The following ARHGAP28 variants were observed in gnomAD, a reference collection of about 807,000 sequenced individuals.
The protein encoded by ARHGAP28 is rho GTPase-activating protein 28.
ARHGAP28 carries 56 observed loss-of-function variants against 90.7 expected under a neutral mutation model. The observed-to-expected ratio is 0.62, with a 90% confidence interval of 0.50 to 0.77. The LOEUF (loss-of-function observed/expected upper bound fraction) is 0.77. Among genes scored for constraint, ARHGAP28 ranks in the 30% least tolerant of loss-of-function variants. The probability of loss-of-function intolerance (pLI) is 0.00; values close to 1 mark genes in which losing one functional copy is unlikely to be tolerated. For synonymous variants in ARHGAP28, 308 were observed against 323.3 expected, an observed-to-expected ratio of 0.95 and a Z score of 0.51; for missense variants, 869 against 900.9, an observed-to-expected ratio of 0.96 and a Z score of 0.45.
chr18:6,876,280 A>T (rs2057130534), intron 10 of ARHGAP28, 72 bp downstream of exon 10: 1 of 1,129,380 alleles, frequency 8.9e-7, no homozygotes. Context: ...AGCATCGGGG[A>T]TCCAGATATT....
At chr18:6,750,306 C>G (rs144947043) in intron 1 of ARHGAP28, among the ~76,000 whole-genome samples, 1 of 152,248 alleles carries the variant, frequency 6.6e-6, no homozygotes, top group East Asian at 1.9e-4. Context: ...GCCTAAAACC[C>G]AATGCTGCTG....
intron 1 of ARHGAP28, among the ~76,000 whole-genome samples, chr18:6,762,250 C>A (rs934962981): frequency 5.3e-5 from 8 of 152,112 alleles, no homozygotes; most frequent in Non-Finnish European, 1.0e-4. Flanking sequence ...TTCTAAAATA[C>A]AAGTTCAACC....
At chr18:6,730,969 G>A (rs2055876418) in intron 1 of ARHGAP28, among the ~76,000 whole-genome samples, 1 of 152,140 alleles carries the variant, frequency 6.6e-6, no homozygotes, top group Non-Finnish European at 1.5e-5. Context: ...TTAACAGATT[G>A]TGACTTTATT....
intron 1 of ARHGAP28, among the ~76,000 whole-genome samples, chr18:6,796,461 A>G (rs2056442706): frequency 6.6e-6 from 1 of 152,000 alleles, no homozygotes; most frequent in South Asian, 2.1e-4. Context: ...AGATGCCAAC[A>G]TCATCTTCAT....
chr18:6,892,843 T>A (rs1409110561), intron 14 of ARHGAP28, among the ~76,000 whole-genome samples: 1 of 152,248 alleles, frequency 6.6e-6, no homozygotes, highest in African/African-American at 2.4e-5. Flanking sequence ...ATGAGCAGTG[T>A]GTGTGCTGGG....
chr18:6,764,183 A>G (rs919112480), intron 1 of ARHGAP28, among the ~76,000 whole-genome samples: 1 of 152,192 alleles, frequency 6.6e-6, no homozygotes, highest in African/African-American at 2.4e-5. Context: ...TAGAAAAAAG[A>G]ACATGAATTG....
Position 6,753,715 on chromosome 18 carries a change from G to T in ARHGAP28, c.122+23772G>T, listed in dbSNP as rs2056087612. Among the ~76,000 whole-genome samples the T allele has an allele frequency of 2.0e-5, 3 of 152,214 alleles. No individual in the cohort carries two copies. The South Asian group carries it at 6.2e-4, about 31-fold the overall frequency. On this transcript the variant is annotated intron_variant, in intron 1 of 17. Transcript: ENST00000383472. ...ATGTTTGCCACTGTTTTTAAAGTTT[G>T]AGTTCTGATGGTCTTCCAGAGGCGT...
intron 1 of ARHGAP28, among the ~76,000 whole-genome samples, chr18:6,783,690 G>A (rs763993410): frequency 2.0e-5 from 3 of 152,122 alleles, no homozygotes; most frequent in Non-Finnish European, 4.4e-5. Flanking sequence ...GACGCTCTGC[G>A]GGGAGCTCAT....
At chr18:6,905,042 G>A (rs2057357810) in intron 16 of ARHGAP28, among the ~76,000 whole-genome samples, 2 of 151,684 alleles carry the variant, frequency 1.3e-5, no homozygotes, top group African/African-American at 2.4e-5. Context: ...AGAAGAAGGA[G>A]GAATGCTCCC....
intron 1 of ARHGAP28, among the ~76,000 whole-genome samples, chr18:6,786,734 C>G (rs1304454965): frequency 2.6e-5 from 4 of 152,008 alleles, no homozygotes; most frequent in Non-Finnish European, 5.9e-5. Context: ...GCTTTTAAAA[C>G]TATTTGCTAT....
intron 1 of ARHGAP28, among the ~76,000 whole-genome samples, chr18:6,733,872 T>C (rs2055904209): frequency 6.6e-6 from 1 of 152,214 alleles, no homozygotes; most frequent in Non-Finnish European, 1.5e-5. Flanking sequence ...CTGGACAGTT[T>C]AGACTTATTC....
chr18:6,850,561 A>G (rs1021619196), intron 3 of ARHGAP28, among the ~76,000 whole-genome samples: 1 of 152,194 alleles, frequency 6.6e-6, no homozygotes, highest in African/African-American at 2.4e-5. Context: ...TACCTACAGG[A>G]TGTCTGGACA....
chr18:6,788,028 C>A (rs1021384215), intron 1 of ARHGAP28, among the ~76,000 whole-genome samples: 1 of 152,154 alleles, frequency 6.6e-6, no homozygotes, highest in Non-Finnish European at 1.5e-5. Flanking sequence ...GAGGCATCTG[C>A]ATGTCTGTAG....
chr18:6,834,079 C>G (rs1456070835), intron 2 of ARHGAP28, among the ~76,000 whole-genome samples: 1 of 151,682 alleles, frequency 6.6e-6, no homozygotes, highest in Non-Finnish European at 1.5e-5. Flanking sequence ...ACTGTGGGAA[C>G]TAAAATGAAC....
rs545020065 is a variant in ARHGAP28 at position 6,888,778 on chromosome 18, G to A, written c.1537-1110G>A. Among the ~76,000 whole-genome samples, 4 of 152,276 alleles carry A rather than the reference G, an allele frequency of 2.6e-5. No homozygotes were observed. In the East Asian group the frequency reaches 7.7e-4, roughly 29 times the overall value. Reference sequence around the variant, plus strand: ...GTCCCCCCAGAACATCACGGGACTGGTGAGGATGTTACACACATGCACTGT... The same window carrying A: ...GTCCCCCCAGAACATCACGGGACTGATGAGGATGTTACACACATGCACTGT... On this transcript the variant is annotated intron_variant, in intron 12 of 17. Transcript: ENST00000383472.
intron 1 of ARHGAP28, among the ~76,000 whole-genome samples, chr18:6,760,671 A>G (rs1270343854): frequency 2.0e-5 from 3 of 152,182 alleles, no homozygotes; most frequent in African/African-American, 7.2e-5. Context: ...TTGATGTCAA[A>G]TTTATTATTA....
At chr18:6,735,154 T>C (rs1452525798) in intron 1 of ARHGAP28, among the ~76,000 whole-genome samples, 2 of 152,184 alleles carry the variant, frequency 1.3e-5, no homozygotes, top group African/African-American at 4.8e-5. Flanking sequence ...ACTTTTAACT[T>C]TCTATTTTGA....
intron 1 of ARHGAP28, among the ~76,000 whole-genome samples, chr18:6,745,091 A>AGC (rs929521080): frequency 1.3e-5 from 2 of 152,130 alleles, no homozygotes; most frequent in African/African-American, 4.8e-5. Context: ...GAAACATGGG[A>AGC]GCATATTGTT....
At chr18:6,750,137 T>C (rs2056057381) in intron 1 of ARHGAP28, among the ~76,000 whole-genome samples, 2 of 152,176 alleles carry the variant, frequency 1.3e-5, no homozygotes, top group African/African-American at 4.8e-5. Context: ...ATCTACTGAG[T>C]GCTTCCTATA....
Sources: allele counts gnomAD v4.1 joint callset (sites outside exome capture counted in the v4.1 genomes callset), GRCh38; gene constraint gnomAD v4.1.1; transcripts MANE v1.5; gene names NCBI Gene and HGNC (gene_info 2026-07-23, HGNC 2026-07-21).